HDAC4: variants seen among roughly 807,000 people sequenced by gnomAD.
The protein encoded by HDAC4 is histone deacetylase 4.
Under a neutral mutation model 135.1 loss-of-function variants are expected in HDAC4, and 16 were observed. The ratio of observed to expected loss-of-function variants is 0.12; its 90% CI spans 0.08 to 0.18. The LOEUF is 0.18. Ranked by LOEUF, HDAC4 falls within the 10% of genes least tolerant of loss-of-function variation. HDAC4 has a pLI of 1.00. For synonymous variants in HDAC4, 685 were observed against 653.4 expected, an observed-to-expected ratio of 1.05 and a Z score of -0.74; for missense variants, 1,143 against 1,511.8, an observed-to-expected ratio of 0.76 and a Z score of 4.05.
intron 22 of HDAC4, among the ~76,000 whole-genome samples, chr2:239,075,165 A>G (rs959788103): frequency 7.3e-6 from 1 of 136,264 alleles, no homozygotes; most frequent in Non-Finnish European, 1.5e-5. Flanking sequence ...AGGAGCTTGC[A>G]GTGAGCCGAG....
intron 12 of HDAC4, among the ~76,000 whole-genome samples, chr2:239,125,030 G>A (rs961341276): frequency 1.3e-5 from 2 of 152,132 alleles, no homozygotes; most frequent in Non-Finnish European, 2.9e-5. Flanking sequence ...GTGTGCCGGC[G>A]TGTGGCCGCG....
chr2:239,305,460 C>T (rs966141448), intron 2 of HDAC4: 4 of 152,792 alleles, frequency 2.6e-5, no homozygotes, highest in African/African-American at 9.6e-5. Context: ...TCTGTGAGCC[C>T]AACAGCGCCC....
At chr2:239,153,858 C>T (rs909446680) in intron 7 of HDAC4, among the ~76,000 whole-genome samples, 15 of 152,198 alleles carry the variant, frequency 9.9e-5, no homozygotes, top group African/African-American at 3.1e-4. Context: ...ACGGAATCTA[C>T]GAGAGATGGC....
At chr2:239,290,061 G>T (rs2051371508) in intron 2 of HDAC4, among the ~76,000 whole-genome samples, 1 of 152,060 alleles carries the variant, frequency 6.6e-6, no homozygotes, top group Non-Finnish European at 1.5e-5. Flanking sequence ...AATAAAAAAG[G>T]CATCAAGAGT....
rs745420460 is a variant in HDAC4 at position 239,278,136 on chromosome 2, T to C, written c.23-41472A>G. Among the ~76,000 whole-genome samples the C allele has an allele frequency of 4.2e-4, 64 of 151,242 alleles. 1 individual carries two copies. Among genetic ancestry groups the C allele is most frequent in the South Asian group, 8.3e-4 (4 of 4,798 alleles). ...TTGAGAAATGAACAGGTGCTCACCA[T>C]TGGCTGGAAAGGGTTGAGTTTTCAA... On this transcript the variant is annotated intron_variant, in intron 2 of 26. Coordinates refer to ENST00000543185, the MANE Select transcript of HDAC4 (RefSeq NM_001378414.1).
rs1345478243 is a variant in HDAC4, at chr2:239,257,301, T to C, written c.23-20637A>G. On this transcript the variant is annotated intron_variant, in intron 2 of 26. Coordinates refer to ENST00000543185, the MANE Select transcript of HDAC4 (RefSeq NM_001378414.1). ...GGTCCAGCCTTAGCAGAGAGAAAAA[T>C]CACAAAAGCTGGACAAATATAAACA... is the stretch of plus-strand genomic sequence containing the variant. 4.8e-5 allele frequency among the ~76,000 whole-genome samples: 7 copies of C among 146,586 alleles called. No homozygotes were observed. The East Asian group carries it at 1.4e-3, about 29-fold the overall frequency.
At chr2:239,214,985 GC>G (rs1242388428) in intron 3 of HDAC4, among the ~76,000 whole-genome samples, 2 of 152,200 alleles carry the variant, frequency 1.3e-5, no homozygotes, top group African/African-American at 2.4e-5. Flanking sequence ...GTCTGAGAAC[GC>G]CCAGCTGGGG....
intron 2 of HDAC4, among the ~76,000 whole-genome samples, chr2:239,337,288 G>A (rs368058439): frequency 2.6e-5 from 4 of 152,224 alleles, no homozygotes; most frequent in African/African-American, 7.2e-5. Flanking sequence ...ACTCACCGGC[G>A]AAATAAACGT....
chr2:239,129,336 C>A (rs2040410470), intron 11 of HDAC4, among the ~76,000 whole-genome samples: 1 of 152,198 alleles, frequency 6.6e-6, no homozygotes, highest in African/African-American at 2.4e-5. Context: ...TGATGACAGA[C>A]CATGATGTGG....
At chr2:239,085,432 C>T (rs1050864162) in intron 19 of HDAC4, among the ~76,000 whole-genome samples, 9 of 152,366 alleles carry the variant, frequency 5.9e-5, no homozygotes, top group East Asian at 3.9e-4. Flanking sequence ...GAAGCCCACA[C>T]GCCCCAGGAC....
chr2:239,083,195 A>G (rs3791374), intron 20 of HDAC4, among the ~76,000 whole-genome samples: 71,481 of 152,092 alleles, frequency 0.47, 17,130 homozygotes, highest in Non-Finnish European at 0.51. Flanking sequence ...CACGCCACAC[A>G]GGGTCTACGC....
chr2:239,059,650 C>T (rs1026940211), intron 24 of HDAC4, among the ~76,000 whole-genome samples: 3 of 152,224 alleles, frequency 2.0e-5, no homozygotes, highest in Non-Finnish European at 4.4e-5. Context: ...GTCACTGAAT[C>T]TGTAATTTAA....
In HDAC4 at chr2:239,210,215, G is replaced by A. The variant is rs116212761; in HGVS notation, c.95-20138C>T. 1.2e-3 allele frequency among the ~76,000 whole-genome samples: 190 copies of A among 152,160 alleles called. 2 individuals are homozygous for A. The highest frequency in any genetic ancestry group is 4.4e-3 in the African/African-American group (181 of 41,498). On this transcript the variant is annotated intron_variant, in intron 3 of 26. Transcript: ENST00000543185. ...ATCAACAGAGCAACAGATAAACAGT[G>A]GAATATTGAGAGTGTAGAATTGTAT...
chr2:239,112,858 G>C (rs1429532393), intron 13 of HDAC4, among the ~76,000 whole-genome samples: 1 of 152,192 alleles, frequency 6.6e-6, no homozygotes, highest in Non-Finnish European at 1.5e-5. Context: ...CCTGTATGAA[G>C]GCAGAGCCCA....
chr2:239,063,361 C>T (rs189299521), intron 24 of HDAC4, among the ~76,000 whole-genome samples: 13 of 152,148 alleles, frequency 8.5e-5, no homozygotes, highest in Non-Finnish European at 1.0e-4. Flanking sequence ...CCACTGCCCC[C>T]GACTAATTTT....
intron 2 of HDAC4, among the ~76,000 whole-genome samples, chr2:239,257,454 C>A (rs980915884): frequency 9.9e-5 from 15 of 152,114 alleles, no homozygotes; most frequent in Non-Finnish European, 2.2e-4. Context: ...AGCCCCACCC[C>A]CAGCCATCTA....
At chr2:239,248,526 T>G (rs2048601077) in intron 2 of HDAC4, among the ~76,000 whole-genome samples, 1 of 152,138 alleles carries the variant, frequency 6.6e-6, no homozygotes, top group Admixed American at 6.5e-5. Context: ...TCACTGAAAA[T>G]GTATTTCATT....
chr2:239,053,938 C>A (rs1322722658), intron 25 of HDAC4, among the ~76,000 whole-genome samples: 2 of 152,066 alleles, frequency 1.3e-5, no homozygotes, highest in East Asian at 2.0e-4. Context: ...GGGCTGCCAG[C>A]CTGCTGGGTT....
intron 16 of HDAC4, 195 bp downstream of exon 16, chr2:239,102,581 C>T (rs2037763106): frequency 1.6e-6 from 1 of 618,274 alleles, no homozygotes; most frequent in Non-Finnish European, 2.9e-6. Context: ...TACACAAACA[C>T]ACCTGCTACC....
Sources: allele counts gnomAD v4.1 joint callset (sites outside exome capture counted in the v4.1 genomes callset), GRCh38; gene constraint gnomAD v4.1.1; transcripts MANE v1.5; gene names NCBI Gene and HGNC (gene_info 2026-07-23, HGNC 2026-07-21).